The following CHST9 variants were observed in gnomAD, a reference collection of about 807,000 sequenced individuals.
CHST9 encodes the protein carbohydrate sulfotransferase 9, also known as GalNAc-4-sulfotransferase 2.
Under a neutral mutation model 44.4 loss-of-function variants are expected in CHST9, and 41 were observed. The ratio of observed to expected loss-of-function variants is 0.92; its 90% CI spans 0.72 to 1.20. The LOEUF is 1.20. Ranked by LOEUF, CHST9 falls within the 50% of genes most tolerant of loss-of-function variation. The pLI, the probability that CHST9 is intolerant of heterozygous loss-of-function variation, is 0.00. For synonymous variants in CHST9, 171 were observed against 178.4 expected (o/e 0.96, Z 0.33); for missense variants, 504 against 516.5 (o/e 0.98, Z 0.23).
At chr18:27,141,742 TAAAAA>T (rs35595422) in intron 2 of CHST9, among the ~76,000 whole-genome samples, 1 of 122,044 alleles carries the variant, frequency 8.2e-6, no homozygotes, top group South Asian at 2.8e-4. Context: ...TAGAATAACT[TAAAAA>T]AAAAAAAAAA....
chr18:27,122,789 T>C (rs1346933835), intron 2 of CHST9, among the ~76,000 whole-genome samples: 1 of 152,198 alleles, frequency 6.6e-6, no homozygotes, highest in Non-Finnish European at 1.5e-5. Flanking sequence ...TTTATTTTGG[T>C]TATCATATGA....
chr18:27,087,634 A>G (rs1270866480), intron 2 of CHST9, among the ~76,000 whole-genome samples: 2 of 152,226 alleles, frequency 1.3e-5, no homozygotes, highest in Non-Finnish European at 2.9e-5. Context: ...ATTTTCATAC[A>G]TACTTGCCTC....
rs1443127019 is a variant in CHST9 at position 26,998,248 on chromosome 18, C to G, written c.202+25868G>C. 3.3e-5 allele frequency among the ~76,000 whole-genome samples: 5 copies of G among 152,202 alleles called. No homozygotes were observed. The East Asian group carries it at 9.6e-4, about 29-fold the overall frequency. ...CACCTATATCGCTGGATCTCACTCA[C>G]TGGTTTGCACTCCTGTATCCCCTTT... On this transcript the variant is annotated intron_variant, in intron 4 of 5. Coordinates refer to ENST00000618847, the MANE Select transcript of CHST9 (RefSeq NM_031422.6).
intron 4 of CHST9, among the ~76,000 whole-genome samples, chr18:26,985,863 C>A (rs1350460706): frequency 6.6e-6 from 1 of 152,198 alleles, no homozygotes; most frequent in Non-Finnish European, 1.5e-5. Flanking sequence ...ATGCAAAAAT[C>A]TTCCCAATGT....
chr18:27,045,411 A>G (rs934172439), intron 3 of CHST9, among the ~76,000 whole-genome samples: 27 of 152,016 alleles, frequency 1.8e-4, no homozygotes, highest in African/African-American at 6.3e-4. Flanking sequence ...CATGGCCCAC[A>G]AAGAGGTCTT....
intron 1 of CHST9, among the ~76,000 whole-genome samples, chr18:27,146,697 T>A (rs919574454): frequency 6.6e-6 from 1 of 152,194 alleles, no homozygotes; most frequent in Non-Finnish European, 1.5e-5. Context: ...ACTTGTTGCA[T>A]TGAACTGAAT....
chr18:27,026,686 C>T (rs2057288715), intron 3 of CHST9, among the ~76,000 whole-genome samples: 1 of 152,106 alleles, frequency 6.6e-6, no homozygotes, highest in Non-Finnish European at 1.5e-5. Context: ...TACTGAATAG[C>T]TATGCATATT....
chr18:26,947,248 T>C (rs1038535997), intron 4 of CHST9, among the ~76,000 whole-genome samples: 1 of 152,226 alleles, frequency 6.6e-6, no homozygotes, highest in Admixed American at 6.5e-5. Context: ...CCTTGTAAGT[T>C]GTATGCCTAG....
At chr18:27,065,380 C>T (rs147364037) in intron 2 of CHST9, among the ~76,000 whole-genome samples, 1 of 152,200 alleles carries the variant, frequency 6.6e-6, no homozygotes, top group East Asian at 1.9e-4. Flanking sequence ...CAAAACAAAA[C>T]AAATGGCAGC....
chr18:27,006,028 C>G (rs528151812), intron 4 of CHST9, among the ~76,000 whole-genome samples: 1 of 152,266 alleles, frequency 6.6e-6, no homozygotes, highest in African/African-American at 2.4e-5. Flanking sequence ...TTTTTAGCTT[C>G]AAATATTTGT....
intron 1 of CHST9, among the ~76,000 whole-genome samples, chr18:27,172,628 A>C (rs2058841856): frequency 6.6e-6 from 1 of 152,058 alleles, no homozygotes; most frequent in African/African-American, 2.4e-5. Context: ...GATGAACTGT[A>C]ATTTTCCTAA....
At chr18:27,004,980 TCTTTTAA>T (rs1382786770) in intron 4 of CHST9, among the ~76,000 whole-genome samples, 3 of 152,204 alleles carry the variant, frequency 2.0e-5, no homozygotes, top group African/African-American at 7.2e-5. Context: ...TGACATCGTT[TCTTTTAA>T]TTCAGTTTGT....
At chr18:27,160,967 C>G (rs2143928326) in intron 1 of CHST9, among the ~76,000 whole-genome samples, 1 of 152,128 alleles carries the variant, frequency 6.6e-6, no homozygotes, top group East Asian at 1.9e-4. Flanking sequence ...TCCCCTTTAT[C>G]ATTTTTTATT....
chr18:27,180,799 T>C (rs2058905941), intron 1 of CHST9, among the ~76,000 whole-genome samples: 1 of 152,168 alleles, frequency 6.6e-6, no homozygotes, highest in Non-Finnish European at 1.5e-5. Context: ...AAATGCATAA[T>C]CTTGATCCTA....
intron 2 of CHST9, among the ~76,000 whole-genome samples, chr18:27,138,663 T>C (rs992964442): frequency 6.6e-6 from 1 of 152,230 alleles, no homozygotes; most frequent in Non-Finnish European, 1.5e-5. Flanking sequence ...CATTGTGCAT[T>C]ACTGTTTGCC....
chr18:27,057,266 AT>A (rs2057667314), intron 2 of CHST9, among the ~76,000 whole-genome samples: 1 of 152,220 alleles, frequency 6.6e-6, no homozygotes, highest in Admixed American at 6.5e-5. Context: ...ATGTGAAAGG[AT>A]TTTATGTACT....
At chr18:26,929,267 C>CTCTT (rs1455722810) in intron 5 of CHST9, among the ~76,000 whole-genome samples, 1 of 152,202 alleles carries the variant, frequency 6.6e-6, no homozygotes, top group African/African-American at 2.4e-5. Flanking sequence ...GGCAGGAGGT[C>CTCTT]TCTTTGGACC....
intron 2 of CHST9, among the ~76,000 whole-genome samples, chr18:27,074,464 G>C (rs910894016): frequency 6.6e-6 from 1 of 152,078 alleles, no homozygotes. Context: ...AGGGGTAAAA[G>C]GTTTGTGTGT....
intron 1 of CHST9, among the ~76,000 whole-genome samples, chr18:27,162,881 A>C (rs2058759212): frequency 6.6e-6 from 1 of 152,112 alleles, no homozygotes; most frequent in East Asian, 1.9e-4. Context: ...GGAGGAGGAG[A>C]GGCGCTCTGC....
Sources: gnomAD v4.1 joint callset for allele counts (sites outside exome capture counted in the v4.1 genomes callset) on GRCh38, gnomAD v4.1.1 for gene constraint, MANE v1.5 for transcripts, NCBI Gene and HGNC (gene_info 2026-07-23, HGNC 2026-07-21) for gene names.